ROCK1: variants seen among roughly 807,000 people sequenced by gnomAD.
ROCK1 encodes Rho associated coiled-coil containing protein kinase 1.
In ROCK1, 36 loss-of-function variants were observed where a neutral mutation model predicts 196.8. That is an observed-to-expected ratio of 0.18 (90% confidence interval 0.14 to 0.24). The LOEUF is 0.24. Among genes scored for constraint, ROCK1 ranks in the 10% least tolerant of loss-of-function variants. The pLI is 1.00. For synonymous variants in ROCK1, 443 were observed against 515.9 expected, an observed-to-expected ratio of 0.86 and a Z score of 1.91; for missense variants, 920 against 1,562.0, an observed-to-expected ratio of 0.59 and a Z score of 6.93.
intron 1 of ROCK1, among the ~76,000 whole-genome samples, chr18:21,104,515 T>G (rs1598564868): frequency 6.6e-6 from 1 of 152,242 alleles, no homozygotes; most frequent in East Asian, 1.9e-4. Context: ...GAGAATGGCG[T>G]GAACCCAGGA....
chr18:21,086,396 GCCACCGCGCCCAGC>G (rs1244587647), intron 1 of ROCK1, among the ~76,000 whole-genome samples: 2 of 152,124 alleles, frequency 1.3e-5, no homozygotes, highest in African/African-American at 4.8e-5. Flanking sequence ...ACAGGCGTGA[GCCACCGCGCCCAGC>G]CTGAAAATAA....
chr18:20,988,001 T>C (rs529056626), intron 18 of ROCK1, among the ~76,000 whole-genome samples: 3 of 152,230 alleles, frequency 2.0e-5, no homozygotes, highest in South Asian at 2.1e-4. Flanking sequence ...AGTTAACATA[T>C]CCACAATAGA....
chr18:21,074,550 C>G (rs2036413427), intron 1 of ROCK1, among the ~76,000 whole-genome samples: 1 of 152,176 alleles, frequency 6.6e-6, no homozygotes, highest in Non-Finnish European at 1.5e-5. Context: ...GCTCTATTCT[C>G]CCGCTGGAAT....
chr18:20,990,119 A>G (rs1191835938), intron 18 of ROCK1, among the ~76,000 whole-genome samples: 1 of 152,016 alleles, frequency 6.6e-6, no homozygotes, highest in Non-Finnish European at 1.5e-5. Flanking sequence ...AAAAATTGAC[A>G]ACTCAGGTTG....
At chr18:21,032,232 T>A (rs2036014779) in intron 9 of ROCK1, among the ~76,000 whole-genome samples, 1 of 152,140 alleles carries the variant, frequency 6.6e-6, no homozygotes, top group African/African-American at 2.4e-5. Flanking sequence ...GGAGTATCAG[T>A]AAAGGTAACT....
At chr18:20,971,936 C>T (rs1179458767) in intron 22 of ROCK1, among the ~76,000 whole-genome samples, 2 of 152,032 alleles carry the variant, frequency 1.3e-5, no homozygotes, top group East Asian at 3.9e-4. Flanking sequence ...GGGAAGAGAA[C>T]AACAGATACT....
At chr18:20,999,528 AG>A (rs1222230524) in intron 16 of ROCK1, among the ~76,000 whole-genome samples, 1 of 152,226 alleles carries the variant, frequency 6.6e-6, no homozygotes, top group African/African-American at 2.4e-5. Flanking sequence ...CAATCCAAAA[AG>A]AAAATTGAGA....
At chr18:20,972,128 G>A (rs887886505) in intron 22 of ROCK1, among the ~76,000 whole-genome samples, 1 of 152,116 alleles carries the variant, frequency 6.6e-6, no homozygotes, top group African/African-American at 2.4e-5. Context: ...TTTGGACCAG[G>A]TCAGTAAATG....
intron 1 of ROCK1, among the ~76,000 whole-genome samples, chr18:21,077,014 C>A (rs567043816): frequency 7.0e-6 from 1 of 142,502 alleles, no homozygotes; most frequent in Non-Finnish European, 1.5e-5. Flanking sequence ...TCGCCCAGGC[C>A]GGACTGCGGA....
intron 1 of ROCK1, among the ~76,000 whole-genome samples, chr18:21,103,314 T>G (rs1396557074): frequency 6.6e-6 from 1 of 152,176 alleles, no homozygotes; most frequent in Non-Finnish European, 1.5e-5. Flanking sequence ...TTACTAAAGA[T>G]GGTTGACAGT....
chr18:20,990,984 T>G (rs968007004), intron 18 of ROCK1, among the ~76,000 whole-genome samples, 192 bp downstream of exon 18: 4 of 152,052 alleles, frequency 2.6e-5, no homozygotes, highest in African/African-American at 7.2e-5. Flanking sequence ...GGTCTCAAAC[T>G]CCCGGCCTCA....
chr18:21,043,525 AATAAC>A (rs1489776914), intron 6 of ROCK1, among the ~76,000 whole-genome samples: 15 of 146,662 alleles, frequency 1.0e-4, no homozygotes, highest in African/African-American at 3.2e-4. Flanking sequence ...TTATTATATA[AATAAC>A]ATATTTATTT....
At chr18:20,965,490 A>C (rs777077503) in intron 27 of ROCK1, among the ~76,000 whole-genome samples, 3 of 152,168 alleles carry the variant, frequency 2.0e-5, no homozygotes, top group Non-Finnish European at 2.9e-5. Context: ...ATAGAGTAAG[A>C]ATCCCTATAC....
At chr18:21,061,059 G>A (rs2036285598) in intron 2 of ROCK1, among the ~76,000 whole-genome samples, 1 of 151,164 alleles carries the variant, frequency 6.6e-6, no homozygotes, top group African/African-American at 2.4e-5. Flanking sequence ...TGGACAACAT[G>A]AAGGAATCTT....
At chr18:21,084,772 G>A (rs922394803) in intron 1 of ROCK1, among the ~76,000 whole-genome samples, 2 of 152,160 alleles carry the variant, frequency 1.3e-5, no homozygotes, top group African/African-American at 4.8e-5. Context: ...CAAAGGAACC[G>A]AAAGAAGGGA....
intron 2 of ROCK1, among the ~76,000 whole-genome samples, chr18:21,066,756 A>G (rs768264866): frequency 1.3e-5 from 2 of 152,262 alleles, no homozygotes; most frequent in Non-Finnish European, 2.9e-5. Context: ...TATTGCACAT[A>G]GCAGTAATTC....
At chr18:21,007,122 A>G (rs949940929) in intron 14 of ROCK1, among the ~76,000 whole-genome samples, 6 of 152,154 alleles carry the variant, frequency 3.9e-5, no homozygotes, top group African/African-American at 4.8e-5. Context: ...TGATAATTCA[A>G]TATCTTAATA....
At chr18:21,030,752 T>C (rs1235345747) in intron 9 of ROCK1, among the ~76,000 whole-genome samples, 1 of 152,212 alleles carries the variant, frequency 6.6e-6, no homozygotes, top group Non-Finnish European at 1.5e-5. Context: ...ATATATTTGT[T>C]TAAAAATTTG....
At chr18:20,981,582 T>A (rs1479315259) in intron 21 of ROCK1, among the ~76,000 whole-genome samples, 2 of 152,190 alleles carry the variant, frequency 1.3e-5, no homozygotes, top group Non-Finnish European at 2.9e-5. Context: ...AACTTCCAGT[T>A]CTGATGTCTA....
Sources: allele counts gnomAD v4.1 joint callset (sites outside exome capture counted in the v4.1 genomes callset), GRCh38; gene constraint gnomAD v4.1.1; transcripts MANE v1.5; gene names NCBI Gene and HGNC (gene_info 2026-07-23, HGNC 2026-07-21).